The following NFIA variants were observed in gnomAD, a reference collection of about 807,000 sequenced individuals.
NFIA encodes the protein nuclear factor 1 A-type.
A neutral mutation model predicts 62.8 loss-of-function variants in NFIA; 8 were observed. The observed-to-expected ratio is 0.13, with a 90% confidence interval of 0.07 to 0.23. The LOEUF (loss-of-function observed/expected upper bound fraction) is 0.23. Ranked by LOEUF, NFIA falls within the 10% of genes least tolerant of loss-of-function variation. NFIA has a pLI of 1.00. For synonymous variants in NFIA, 235 were observed against 238.1 expected (o/e 0.99, Z 0.12); for missense variants, 410 against 642.1 (o/e 0.64, Z 3.91).
At chr1:61,165,794 G>A (rs140730921) in intron 2 of NFIA, among the ~76,000 whole-genome samples, 1 of 152,138 alleles carries the variant, frequency 6.6e-6, no homozygotes, top group Admixed American at 6.6e-5. Flanking sequence ...ATATTACTAT[G>A]ATAAGTTTAG....
chr1:61,132,648 T>C (rs1647101685), intron 2 of NFIA: 1 of 152,140 alleles, frequency 6.6e-6, no homozygotes, highest in Non-Finnish European at 1.5e-5. Context: ...AGAAAAGGGA[T>C]GGAAGAAGAA....
chr1:61,196,300 A>C (rs1651986095), intron 2 of NFIA, among the ~76,000 whole-genome samples: 1 of 152,186 alleles, frequency 6.6e-6, no homozygotes, highest in Non-Finnish European at 1.5e-5. Context: ...AAAAATTTGC[A>C]TCCTCATGCC....
At chr1:61,269,191 A>G (rs894210584) in intron 2 of NFIA, among the ~76,000 whole-genome samples, 6 of 151,638 alleles carry the variant, frequency 4.0e-5, no homozygotes, top group Non-Finnish European at 8.8e-5. Context: ...AAATGAATAC[A>G]CTGTTCAACT....
Position 61,347,374 on chromosome 1 carries a change from C to T in NFIA, c.701-5076C>T, listed in dbSNP as rs368439791. ...ATTTTTAGCAGAGATGGAGTTTCACCGTGTTAGCCAGGATGGTCTCGATCT... is the reference window on the plus strand; with the variant it reads ...ATTTTTAGCAGAGATGGAGTTTCACTGTGTTAGCCAGGATGGTCTCGATCT... On this transcript the variant is annotated intron_variant, in intron 4 of 10. Transcript: ENST00000403491. Among the ~76,000 whole-genome samples, 12 of 151,934 alleles carry T rather than the reference C, an allele frequency of 7.9e-5. No individual in the cohort carries two copies. In the East Asian group the frequency reaches 1.4e-3, roughly 17 times the overall value.
At chr1:61,169,000 T>C (rs980443072) in intron 2 of NFIA, among the ~76,000 whole-genome samples, 2 of 152,196 alleles carry the variant, frequency 1.3e-5, no homozygotes, top group Admixed American at 1.3e-4. Context: ...CTGTGAAACT[T>C]CTGCTCCTCC....
intron 8 of NFIA, 54 bp downstream of exon 8, chr1:61,404,336 A>C: frequency 6.7e-7 from 1 of 1,501,902 alleles, no homozygotes; most frequent in East Asian, 2.4e-5. Flanking sequence ...GAATATAAAA[A>C]TAACAAGGGG....
At chr1:61,182,369 G>C (rs1650814350) in intron 2 of NFIA, among the ~76,000 whole-genome samples, 9 of 152,180 alleles carry the variant, frequency 5.9e-5, no homozygotes, top group Admixed American at 5.9e-4. Context: ...ATCAAACTTA[G>C]TGGCATGTTT....
chr1:61,426,291 C>T (rs750934173), intron 9 of NFIA, among the ~76,000 whole-genome samples, 174 bp from the exon 10 acceptor site: 1 of 152,146 alleles, frequency 6.6e-6, no homozygotes, highest in African/African-American at 2.4e-5. Context: ...ATCCCTCTTC[C>T]CCCTTTTTTG....
At chr1:61,093,800 C>G (rs1646364957) in intron 2 of NFIA, among the ~76,000 whole-genome samples, 6 of 152,126 alleles carry the variant, frequency 3.9e-5, no homozygotes, top group African/African-American at 1.4e-4. Context: ...AGAAAATTTC[C>G]CAATGCTTCT....
At chr1:61,406,791 A>G (rs1316798070) in intron 9 of NFIA, 64 bp downstream of exon 9, 1 of 1,474,896 alleles carries the variant, frequency 6.8e-7, no homozygotes, top group East Asian at 2.6e-5. Flanking sequence ...ATCCACACTT[A>G]GGCTTTGTCC....
At chr1:61,273,164 G>A (rs537848205) in intron 2 of NFIA, among the ~76,000 whole-genome samples, 1 of 152,206 alleles carries the variant, frequency 6.6e-6, no homozygotes, top group African/African-American at 2.4e-5. Context: ...CACAACAGCA[G>A]TTGTGAGGAT....
At chr1:61,407,997 C>T (rs1041500939) in intron 9 of NFIA, among the ~76,000 whole-genome samples, 4 of 152,128 alleles carry the variant, frequency 2.6e-5, no homozygotes, top group Non-Finnish European at 5.9e-5. Context: ...CTGTTTATGC[C>T]ATGTTCATAG....
chr1:61,331,972 AT>A (rs1661324213), intron 3 of NFIA, among the ~76,000 whole-genome samples: 1 of 152,168 alleles, frequency 6.6e-6, no homozygotes, highest in Non-Finnish European at 1.5e-5. Flanking sequence ...GCTCAAAAGA[AT>A]TTGTTTTCCT....
intron 3 of NFIA, 82 bp from the exon 4 acceptor site, chr1:61,332,430 T>C (rs1225501106): frequency 6.1e-6 from 8 of 1,312,536 alleles, no homozygotes; most frequent in Non-Finnish European, 7.7e-6. Context: ...GTGTTAATCA[T>C]AATGAAACTA....
chr1:61,154,613 G>A, intron 2 of NFIA, among the ~76,000 whole-genome samples: 1 of 152,152 alleles, frequency 6.6e-6, no homozygotes, highest in East Asian at 1.9e-4. Flanking sequence ...ACCCTGCCTG[G>A]CTAATTTTTT....
chr1:61,124,545 T>C (rs756326887), intron 2 of NFIA, among the ~76,000 whole-genome samples: 7 of 152,292 alleles, frequency 4.6e-5, no homozygotes, highest in Admixed American at 1.3e-4. Context: ...AGATTCAAAT[T>C]ATCAGCAAGG....
chr1:61,386,114 G>A (rs1334984785), intron 7 of NFIA, among the ~76,000 whole-genome samples: 4 of 152,164 alleles, frequency 2.6e-5, no homozygotes, highest in Non-Finnish European at 4.4e-5. Context: ...TTTGCTGTGG[G>A]TACTGTAATT....
intron 9 of NFIA, among the ~76,000 whole-genome samples, chr1:61,418,380 A>G (rs530479052): frequency 3.9e-5 from 6 of 152,226 alleles, no homozygotes; most frequent in African/African-American, 1.4e-4. Flanking sequence ...GGATCACTTG[A>G]GCCCAGCAGG....
At position 61,436,560 on chromosome 1, in the gene NFIA, A is replaced by G. The variant is rs76436700; in HGVS notation, c.1512+10004A>G. On this transcript the variant is annotated intron_variant, in intron 10 of 10. Coordinates refer to ENST00000403491, the MANE Select transcript of NFIA (RefSeq NM_001134673.4). ...AAGGCCTTGAAAGTTCCACTGACAC[A>G]CACAGTTTCAAGCCCAGAGCTTGCT... Among the ~76,000 whole-genome samples, 841 of 152,286 alleles carry G rather than the reference A, an allele frequency of 5.5e-3. 13 individuals are homozygous for G. Among genetic ancestry groups the G allele is most frequent in the African/African-American group, 0.019 (777 of 41,560 alleles).
Sources: allele counts gnomAD v4.1 joint callset (sites outside exome capture counted in the v4.1 genomes callset), GRCh38; gene constraint gnomAD v4.1.1; transcripts MANE v1.5; gene names NCBI Gene and HGNC (gene_info 2026-07-23, HGNC 2026-07-21).